BLTP2: variants seen among roughly 807,000 people sequenced by gnomAD.
The protein encoded by BLTP2 is U937-associated antigen.
the BLTP2 span, chr17:28,639,480 A>C: frequency 6.2e-7 from 1 of 1,613,408 alleles, no homozygotes. Context: ...GAAGACCAGA[A>C]CTGTGGGTTT....
chr17:28,622,833 T>C, the BLTP2 span, among the ~76,000 whole-genome samples: 1 of 152,210 alleles, frequency 6.6e-6, no homozygotes, highest in Non-Finnish European at 1.5e-5. Flanking sequence ...TCCCAGCACT[T>C]TGGGAGGCCG....
At chr17:28,638,651 G>A in the BLTP2 span, 129 of 1,481,184 alleles carry the variant, frequency 8.7e-5, no homozygotes, top group Non-Finnish European at 1.4e-5. Flanking sequence ...TTCTGCATAG[G>A]AACAAGACAT....
the BLTP2 span, chr17:28,633,194 C>G: frequency 6.3e-7 from 1 of 1,594,296 alleles, no homozygotes; most frequent in Non-Finnish European, 8.6e-7. Flanking sequence ...GCCCTCAGTG[C>G]CCTGGTCACT....
At chr17:28,623,683 G>T in the BLTP2 span, 1 of 1,241,072 alleles carries the variant, frequency 8.1e-7, no homozygotes. Context: ...GCAGGTTACT[G>T]TCAAGAATCT....
At chr17:28,644,922 T>C in the BLTP2 span, 1 of 1,416,558 alleles carries the variant, frequency 7.1e-7, no homozygotes, top group Non-Finnish European at 9.7e-7. Flanking sequence ...CCTCAGTCTT[T>C]CTTCCTCCTC....
At chr17:28,643,524 T>C in the BLTP2 span, 1 of 1,443,176 alleles carries the variant, frequency 6.9e-7, no homozygotes, top group Middle Eastern at 1.8e-4. Context: ...CCTTGGATTG[T>C]GATGCCTCTG....
chr17:28,638,671 G>A, the BLTP2 span: 2 of 1,347,992 alleles, frequency 1.5e-6, no homozygotes, highest in African/African-American at 1.5e-5. Context: ...TCATTGTTTG[G>A]TAAGAAAAGA....
the BLTP2 span, chr17:28,619,994 G>A: frequency 3.7e-6 from 6 of 1,613,404 alleles, no homozygotes; most frequent in East Asian, 2.2e-5. Flanking sequence ...AACCTGACCC[G>A]TTGCTTCTTC....
At chr17:28,626,289 C>G in the BLTP2 span, among the ~76,000 whole-genome samples, 1 of 152,180 alleles carries the variant, frequency 6.6e-6, no homozygotes, top group African/African-American at 2.4e-5. Context: ...GATGATCTAC[C>G]CCAGCTTTCC....
chr17:28,632,066 G>C, the BLTP2 span: 6 of 1,613,434 alleles, frequency 3.7e-6, no homozygotes, highest in Admixed American at 5.0e-5. Context: ...TGGGGAAAGA[G>C]GGCTGTATAG....
the BLTP2 span, among the ~76,000 whole-genome samples, chr17:28,621,990 G>A: frequency 2.0e-5 from 3 of 152,102 alleles, no homozygotes; most frequent in African/African-American, 7.2e-5. Flanking sequence ...CACAGCAGAT[G>A]GTGGATCTGA....
chr17:28,633,274 T>A, the BLTP2 span: 1 of 1,608,736 alleles, frequency 6.2e-7, no homozygotes, highest in Non-Finnish European at 8.5e-7. Flanking sequence ...CTCCCTTCAC[T>A]CCACTCACTT....
At chr17:28,634,557 C>G in the BLTP2 span, 1 of 1,614,130 alleles carries the variant, frequency 6.2e-7, no homozygotes, top group Non-Finnish European at 8.5e-7. Flanking sequence ...TTCGACACCA[C>G]TGAATGACAA....
the BLTP2 span, among the ~76,000 whole-genome samples, chr17:28,625,447 T>C: frequency 1.3e-5 from 2 of 151,648 alleles, no homozygotes; most frequent in Non-Finnish European, 2.9e-5. Context: ...CAAATATCTA[T>C]CTTTAGCCCT....
At chr17:28,633,591 G>C in the BLTP2 span, 1 of 1,614,122 alleles carries the variant, frequency 6.2e-7, no homozygotes, top group East Asian at 2.2e-5. Flanking sequence ...CAATGTCCAT[G>C]TGCCAGTCTC....
chr17:28,618,415 C>T, the BLTP2 span, among the ~76,000 whole-genome samples: 1 of 152,070 alleles, frequency 6.6e-6, no homozygotes, highest in African/African-American at 2.4e-5. Context: ...CGATGCCCAG[C>T]TAATTTTTAA....
chr17:28,633,064 G>GT, the BLTP2 span: 1 of 1,593,676 alleles, frequency 6.3e-7, no homozygotes, highest in Admixed American at 1.8e-5. Flanking sequence ...GGCCCGCAGA[G>GT]TGACACTATG....
At chr17:28,620,606 A>G in the BLTP2 span, 1 of 1,614,162 alleles carries the variant, frequency 6.2e-7, no homozygotes, top group Non-Finnish European at 8.5e-7. Context: ...CTCATGGTGG[A>G]TAAGGGTGAA....
At chr17:28,643,674 G>T in the BLTP2 span, 4 of 1,613,524 alleles carry the variant, frequency 2.5e-6, no homozygotes, top group African/African-American at 1.3e-5. Context: ...AACAGTGAGG[G>T]AGAAAGCTCT....
Sources: allele counts gnomAD v4.1 joint callset (sites outside exome capture counted in the v4.1 genomes callset), GRCh38; gene constraint gnomAD v4.1.1; transcripts MANE v1.5; gene names NCBI Gene and HGNC (gene_info 2026-07-23, HGNC 2026-07-21).